Variants in DNHD1 observed in about 807,000 individuals in gnomAD.
The protein encoded by DNHD1 is dynein heavy chain domain-containing protein 1.
Under a neutral mutation model 458.1 loss-of-function variants are expected in DNHD1, and 383 were observed. The ratio of observed to expected loss-of-function variants is 0.84; its 90% CI spans 0.77 to 0.91. The LOEUF is 0.91. Ranked by LOEUF, DNHD1 falls within the 40% of genes least tolerant of loss-of-function variation. The pLI is 0.00. For synonymous variants in DNHD1, 2,203 were observed against 2,376.9 expected (o/e 0.93, Z 2.13); for missense variants, 5,336 against 5,866.1 (o/e 0.91, Z 2.95).
In DNHD1 at chr11:6,548,075, G is replaced by A. The variant is rs538978549; in HGVS notation, c.6905+35G>A. On this transcript the variant is annotated intron_variant, in intron 22 of 42. Coordinates refer to ENST00000254579, the MANE Select transcript of DNHD1 (RefSeq NM_144666.3). This position sits in a 1 kb window ranked among gnomAD's most constrained non-coding sequence, Gnocchi z 4.4. ...AGGATGGGGGATGGGAGATGCAGAG[G>A]GCTGAGATGGACTGGCCCATGGAAG... is the stretch of plus-strand genomic sequence containing the variant. The A allele has an allele frequency of 1.0e-4, 160 of 1,551,376 alleles. 2 individuals carry two copies. In the East Asian group the frequency reaches 3.8e-3, roughly 37 times the overall value.
intron 18 of DNHD1, among the ~76,000 whole-genome samples, chr11:6,543,474 C>T (rs948661254): frequency 2.6e-5 from 4 of 151,982 alleles, no homozygotes; most frequent in African/African-American, 9.7e-5. Context: ...CAGCCCTCTT[C>T]CCGGGCTAGA....
At chr11:6,562,298 A>T (rs1288184983) in intron 28 of DNHD1, among the ~76,000 whole-genome samples, 1 of 152,170 alleles carries the variant, frequency 6.6e-6, no homozygotes, top group Non-Finnish European at 1.5e-5. Flanking sequence ...AGATTGCAGG[A>T]GAGCTGAGGA....
chr11:6,531,157 A>G (rs1852821340), intron 12 of DNHD1, among the ~76,000 whole-genome samples: 1 of 152,010 alleles, frequency 6.6e-6, no homozygotes, highest in Non-Finnish European at 1.5e-5. Flanking sequence ...ATCTACTCTC[A>G]TCCTTCTTGC....
chr11:6,539,202 G>A lies in DNHD1; in HGVS notation c.3326-17G>A. 1 of 1,532,942 alleles carries A rather than the reference G, an allele frequency of 6.5e-7. No homozygotes were observed. The highest frequency in any genetic ancestry group is 1.2e-5 in the South Asian group (1 of 83,634). 95.0% of individuals were successfully genotyped at this position (1,532,942 alleles called of 1,614,324 possible). A position where few individuals can be genotyped will look rare whatever the true frequency, so the allele number is the denominator to read the frequency against. ...CACATACTGGGTGTTGCTCTGACTT[G>A]TTTTCTCTACCTCCAGCCCTTGGGC... On this transcript the variant is annotated splice_polypyrimidine_tract_variant and intron_variant, in intron 16 of 42. Transcript: ENST00000254579.
intron 33 of DNHD1, 105 bp from the exon 34 acceptor site, chr11:6,566,136 C>G: frequency 6.7e-7 from 1 of 1,495,610 alleles, no homozygotes; most frequent in Non-Finnish European, 9.0e-7. Context: ...TGGGAACCCT[C>G]CTATCAGCCA....
rs1166439473 is a variant in DNHD1 at position 6,498,099 on chromosome 11, C to T, written c.-117C>T. ...CAGAGCCTGAGGTCCCTTCTCTGGCCCCTCTGCTGGGCTGGCCCATGCAGG... is the reference window on the plus strand; with the variant it reads ...CAGAGCCTGAGGTCCCTTCTCTGGCTCCTCTGCTGGGCTGGCCCATGCAGG... On this transcript the variant is annotated 5_prime_UTR_variant, in exon 3 of 43. Transcript: ENST00000254579. 3 of 1,427,608 alleles carry T rather than the reference C, an allele frequency of 2.1e-6. No individual in the cohort carries two copies. Among genetic ancestry groups the T allele is most frequent in the Non-Finnish European group, 2.9e-6 (3 of 1,050,292 alleles). The allele number at this position is 1,427,608 out of a possible 1,614,324, so 88.4% of individuals were successfully genotyped here.
At chr11:6,506,931 T>C (rs1335266736) in intron 4 of DNHD1, among the ~76,000 whole-genome samples, 1 of 152,222 alleles carries the variant, frequency 6.6e-6, no homozygotes, top group Non-Finnish European at 1.5e-5. Flanking sequence ...AGTGAACTAA[T>C]TGCCCAGATT....
Position 6,534,002 on chromosome 11 carries a change from G to A in DNHD1, c.2827G>A (p.Ala943Thr). The A allele has an allele frequency of 6.4e-7, 1 of 1,551,582 alleles. No individual in the cohort carries two copies. The highest frequency in any genetic ancestry group is 8.7e-7 in the Non-Finnish European group (1 of 1,146,966). The change falls in exon 14 of 43, where the codon GCA becomes ACA. Residue 943 changes from alanine (A) to threonine (T), a missense_variant. Coordinates refer to ENST00000254579, the MANE Select transcript of DNHD1 (RefSeq NM_144666.3). ...GCCCAAGCTGCAGCAGCTGATGGCA[G>A]CAGCATTGGCAGAGCTGGAAGGCCT... Reference protein sequence around the residue: ...IMPKLQQLMAAALAELEGLLA... With the variant: ...IMPKLQQLMATALAELEGLLA...
intron 17 of DNHD1, 77 bp from the exon 18 acceptor site, chr11:6,539,799 C>A: frequency 1.4e-6 from 2 of 1,379,542 alleles, no homozygotes; most frequent in Non-Finnish European, 2.0e-6. Context: ...GCCTCAGATC[C>A]AATCCCCAAG....
intron 39 of DNHD1, among the ~76,000 whole-genome samples, chr11:6,569,732 G>C (rs1589900272): frequency 6.6e-6 from 1 of 152,096 alleles, no homozygotes; most frequent in Non-Finnish European, 1.5e-5. Flanking sequence ...AAGGGATAGA[G>C]AATAAATATG....
chr11:6,530,152 C>G (rs554728756), intron 12 of DNHD1, among the ~76,000 whole-genome samples: 1 of 152,168 alleles, frequency 6.6e-6, no homozygotes, highest in Non-Finnish European at 1.5e-5. Flanking sequence ...TTCATGTTAG[C>G]AAGGGACACC....
rs886705512 is a variant in DNHD1, at chr11:6,498,089, C to T, written c.-127C>T. The stretch of plus-strand genomic sequence containing the variant: ...ATCCCCTGCCCAGAGCCTGAGGTCC[C>T]TTCTCTGGCCCCTCTGCTGGGCTGG... On this transcript the variant is annotated 5_prime_UTR_variant, in exon 3 of 43. Transcript: ENST00000254579. The T allele has an allele frequency of 7.4e-5, 101 of 1,369,004 alleles. No individual in the cohort carries two copies. Among genetic ancestry groups the T allele is most frequent in the Admixed American group, 1.1e-4 (5 of 45,446 alleles). The allele number at this position is 1,369,004 out of a possible 1,614,324, so 84.8% of individuals were successfully genotyped here. A position where few individuals can be genotyped will look rare whatever the true frequency, so the allele number is the denominator to read the frequency against.
chr11:6,557,943 G>A lies in DNHD1; in HGVS notation c.8648G>A (p.Arg2883Gln), dbSNP rs773809976. ...CTGGTCCGGGTGCTGGCCAGGCCCC[G>A]GCAGCATGGCCTGCTGCTCTCGGGG... ...ARLVRVLARP[R>Q]QHGLLLSGAL... The change falls in exon 25 of 43, where the codon CGG becomes CAG. Residue 2883 changes from arginine (R) to glutamine (Q), a missense_variant. Coordinates refer to ENST00000254579, the MANE Select transcript of DNHD1 (RefSeq NM_144666.3). 64 of 1,551,530 alleles carry A rather than the reference G, an allele frequency of 4.1e-5. No individual in the cohort carries two copies. The highest frequency in any genetic ancestry group is 1.6e-4 in the African/African-American group (12 of 73,150).
At position 6,571,015 on chromosome 11, in the gene DNHD1, C is replaced by G; in HGVS notation, c.13503C>G (p.Arg4501=). Residue 4501 remains arginine (R), a synonymous_variant, in exon 42 of 43, where the codon CGC becomes CGG. Coordinates refer to ENST00000254579, the MANE Select transcript of DNHD1 (RefSeq NM_144666.3). The surrounding 1 kb of genome is among the most constrained non-coding windows in gnomAD (Gnocchi z 5.0). ...GCCAGTTGGTGGGCACGCTACAACG[C>G]GACCTTGATTGCCTGTTGCAGCAGC... The part of the protein sequence containing the change: ...ELSQLVGTLQ[R]DLDCLLQQLK... 6.3e-7 allele frequency: 1 copy of G among 1,593,864 alleles called. No homozygotes were observed. The highest frequency in any genetic ancestry group is 8.6e-7 in the Non-Finnish European group (1 of 1,167,324).
chr11:6,500,298 T>C (rs1364266648), intron 3 of DNHD1, among the ~76,000 whole-genome samples: 3 of 152,368 alleles, frequency 2.0e-5, no homozygotes, highest in Admixed American at 6.5e-5. Flanking sequence ...GAATTCTCCT[T>C]GTCCTCTGGC....
chr11:6,560,694 T>G (rs1186187426), intron 28 of DNHD1, among the ~76,000 whole-genome samples: 1 of 152,120 alleles, frequency 6.6e-6, no homozygotes, highest in Non-Finnish European at 1.5e-5. Flanking sequence ...CCCTTGGTCG[T>G]TCATTCAATA....
At position 6,546,263 on chromosome 11, in the gene DNHD1, G is replaced by A. The variant is rs1225400358; in HGVS notation, c.5324G>A (p.Ser1775Asn). 5 of 1,552,194 alleles carry A rather than the reference G, an allele frequency of 3.2e-6. No homozygotes were observed. Among genetic ancestry groups the A allele is most frequent in the Non-Finnish European group, 3.5e-6 (4 of 1,147,142 alleles). Reference protein sequence around the residue: ...PLYQEASRNTSTIDPTQPQLL... With the variant: ...PLYQEASRNTNTIDPTQPQLL... ...TACCAGGAGGCTTCCCGAAACACAA[G>A]CACCATAGACCCCACCCAGCCCCAG... The change falls in exon 21 of 43, where the codon AGC becomes AAC. Residue 1775 changes from serine to asparagine, a missense_variant. Ser to Asn is a conservative substitution (Grantham distance 46). Coordinates refer to ENST00000254579, the MANE Select transcript of DNHD1 (RefSeq NM_144666.3).
In DNHD1 at chr11:6,498,329, C is replaced by T. The variant is rs1219020247; in HGVS notation, c.114C>T (p.Cys38=). ...VLDSKEQPLA[C]QQKQRQFVKP... ...ACAGCAAAGAACAGCCCTTGGCCTG[C>T]CAGCAGAAACAGAGGCAGTTCGTGA... The change falls in exon 3 of 43, where the codon TGC becomes TGT. Residue 38 remains cysteine (C), a synonymous_variant. Coordinates refer to ENST00000254579, the MANE Select transcript of DNHD1 (RefSeq NM_144666.3). 6.2e-7 allele frequency: 1 copy of T among 1,614,222 alleles called. No individual in the cohort carries two copies. The highest frequency in any genetic ancestry group is 8.5e-7 in the Non-Finnish European group (1 of 1,180,042).
At chr11:6,522,706 A>T (rs1279450661) in intron 10 of DNHD1, among the ~76,000 whole-genome samples, 2 of 152,188 alleles carry the variant, frequency 1.3e-5, no homozygotes, top group Non-Finnish European at 1.5e-5. Context: ...CATACATCCA[A>T]CTGAGAAAAC....
Sources: allele counts gnomAD v4.1 joint callset (sites outside exome capture counted in the v4.1 genomes callset), GRCh38; gene constraint gnomAD v4.1.1; non-coding constraint Gnocchi (gnomAD v3.1); transcripts MANE v1.5; gene names NCBI Gene and HGNC (gene_info 2026-07-23, HGNC 2026-07-21).